The following ABRACL variants were observed in gnomAD, a reference collection of about 807,000 sequenced individuals.
ABRACL encodes costars family protein ABRACL.
Under a neutral mutation model 7.0 loss-of-function variants are expected in ABRACL, and 4 were observed. That is an observed-to-expected ratio of 0.57 (90% CI 0.28 to 1.30). ABRACL has a LOEUF of 1.30. ABRACL is among the 50% of genes most tolerant of loss of function. The pLI is 0.10. For missense variants in ABRACL, 104 were observed against 97.3 expected, an observed-to-expected ratio of 1.07 and a Z score of -0.29; for synonymous variants, 30 against 36.0, an observed-to-expected ratio of 0.83 and a Z score of 0.60.
intron 2 of ABRACL, among the ~76,000 whole-genome samples, chr6:139,035,780 G>A (rs1786146353): frequency 6.6e-6 from 1 of 150,774 alleles, no homozygotes; most frequent in Non-Finnish European, 1.5e-5. Context: ...ACCACACCCG[G>A]CCTAGTTTCT....
At chr6:139,040,344 C>A (rs1335038346) in intron 2 of ABRACL, among the ~76,000 whole-genome samples, 1 of 152,088 alleles carries the variant, frequency 6.6e-6, no homozygotes, top group Non-Finnish European at 1.5e-5. Flanking sequence ...ACAGAAGGCA[C>A]AAAGAAGGTG....
At chr6:139,035,585 C>T (rs947738270) in intron 2 of ABRACL, among the ~76,000 whole-genome samples, 14 of 152,000 alleles carry the variant, frequency 9.2e-5, no homozygotes, top group Non-Finnish European at 1.6e-4. Flanking sequence ...CGGGTTCAAG[C>T]GATTCTCCTG....
chr6:139,043,021 A>C lies in ABRACL; in HGVS notation c.*118A>C, dbSNP rs1786277206. The stretch of plus-strand genomic sequence containing the variant: ...ATTTTTATAGAACTTTGTAAACGAA[A>C]GGAGATTCATGTTTTAGAAGTCTGT... On this transcript the variant is annotated 3_prime_UTR_variant, in exon 3 of 3. Transcript: ENST00000367660. 3 of 832,310 alleles carry C rather than the reference A, an allele frequency of 3.6e-6. No homozygotes were observed. The highest frequency in any genetic ancestry group is 5.2e-6 in the Non-Finnish European group (3 of 574,670). 51.6% of individuals were successfully genotyped at this position (832,310 alleles called of 1,614,324 possible). A position where few individuals can be genotyped will look rare whatever the true frequency, so the allele number is the denominator to read the frequency against.
rs1554211254 is a variant in ABRACL, at chr6:139,042,895, C to CA, written c.240dup (p.Asp81ArgfsTer32). ...TGATGATGTTGACATTATATTACTGCAAGATTAATGTGGTTTACATATCTT... is the reference window on the plus strand; with the variant it reads ...TGATGATGTTGACATTATATTACTGCAAAGATTAATGTGGTTTACATATCTT... On this transcript the variant is annotated frameshift_variant, in exon 3 of 3. Coordinates refer to ENST00000367660, the MANE Select transcript of ABRACL (RefSeq NM_021243.3). LOFTEE classifies it high-confidence loss of function. The CA allele has an allele frequency of 6.2e-7, 1 of 1,607,690 alleles. No individual in the cohort carries two copies. Among genetic ancestry groups the CA allele is most frequent in the Non-Finnish European group, 8.5e-7 (1 of 1,177,350 alleles).
chr6:139,028,856 A>T lies in ABRACL; in HGVS notation c.-26A>T, dbSNP rs1786032586. On this transcript the variant is annotated 5_prime_UTR_variant, in exon 1 of 3. Coordinates refer to ENST00000367660, the MANE Select transcript of ABRACL (RefSeq NM_021243.3). ...CACGCGGCGCCAGTTCTCCGGCGGGAAGGAAAACCGCGCAGAGAGGTGCGT... is the reference window on the plus strand; with the variant it reads ...CACGCGGCGCCAGTTCTCCGGCGGGTAGGAAAACCGCGCAGAGAGGTGCGT... 1 of 152,414 alleles carries T rather than the reference A, an allele frequency of 6.6e-6. No homozygotes were observed. The highest frequency in any genetic ancestry group is 2.1e-4 in the South Asian group (1 of 4,840). 9.4% of individuals were successfully genotyped at this position (152,414 alleles called of 1,614,324 possible). A position where few individuals can be genotyped will look rare whatever the true frequency, so the allele number is the denominator to read the frequency against.
rs557522666 is a variant in ABRACL, at chr6:139,029,072, GC to G, written c.-7+202del. Among the ~76,000 whole-genome samples, 916 of 152,208 alleles carry G rather than the reference GC, an allele frequency of 6.0e-3. 6 individuals are homozygous for G. Among genetic ancestry groups the G allele is most frequent in the Admixed American group, 7.1e-3 (108 of 15,300 alleles). On this transcript the variant is annotated intron_variant, in intron 1 of 2. Coordinates refer to ENST00000367660, the MANE Select transcript of ABRACL (RefSeq NM_021243.3). ...GTCCCGTGGGGCGCGCGCCGCCCACGCCCCCACCTCTCGGGTCGACTTCCGC... is the reference window on the plus strand; with the variant it reads ...GTCCCGTGGGGCGCGCGCCGCCCACGCCCCACCTCTCGGGTCGACTTCCGC...
intron 2 of ABRACL, among the ~76,000 whole-genome samples, chr6:139,040,412 A>G (rs1786226976): frequency 6.6e-6 from 1 of 152,216 alleles, no homozygotes; most frequent in Non-Finnish European, 1.5e-5. Context: ...CTCCAAGATT[A>G]CACTCAGGTT....
intron 1 of ABRACL, among the ~76,000 whole-genome samples, chr6:139,031,002 G>C (rs541328450): frequency 1.3e-5 from 2 of 152,306 alleles, no homozygotes; most frequent in Admixed American, 1.3e-4. Flanking sequence ...ATATATAATA[G>C]ATGAATTTCC....
intron 2 of ABRACL, among the ~76,000 whole-genome samples, chr6:139,036,114 C>T (rs1786152282): frequency 6.6e-6 from 1 of 151,094 alleles, no homozygotes. Flanking sequence ...AACAAACAAA[C>T]AAACATAAAA....
intron 2 of ABRACL, 29 bp from the exon 3 acceptor site, chr6:139,042,689 AT>A (rs751848733): frequency 1.9e-6 from 3 of 1,591,000 alleles, no homozygotes; most frequent in Non-Finnish European, 2.6e-6. Context: ...CAGACTTTGC[AT>A]TTGCTAACAA....
chr6:139,030,831 A>C (rs1237859352), intron 1 of ABRACL, among the ~76,000 whole-genome samples: 2 of 152,210 alleles, frequency 1.3e-5, no homozygotes, highest in Non-Finnish European at 2.9e-5. Flanking sequence ...GTTATCCTTA[A>C]AATAGAGGTA....
chr6:139,041,531 A>ATATATATTTTT (rs748288046), intron 2 of ABRACL, among the ~76,000 whole-genome samples: 69 of 126,038 alleles, frequency 5.5e-4, no homozygotes, highest in African/African-American at 2.0e-3. Context: ...ATATATATAT[A>ATATATATTTTT]TTTTTTTTTA....
At chr6:139,039,230 G>A (rs199789037) in intron 2 of ABRACL, among the ~76,000 whole-genome samples, 4 of 148,916 alleles carry the variant, frequency 2.7e-5, no homozygotes, top group Non-Finnish European at 6.0e-5. Flanking sequence ...CATCTCAAAA[G>A]AAAAAAAAAA....
At position 139,028,982 on chromosome 6, in the gene ABRACL, G is replaced by T. The variant is rs573466482; in HGVS notation, c.-7+107G>T. 60 of 152,534 alleles carry T rather than the reference G, an allele frequency of 3.9e-4. 1 individual carries two copies. In the South Asian group the frequency reaches 7.0e-3, roughly 18 times the overall value. The allele number at this position is 152,534 out of a possible 1,614,324, so 9.4% of individuals were successfully genotyped here. ...TGCGGTGAGAGTCGGGTCAGGAGGG[G>T]GCCGGGAGGGGGCTCAGGGCGCGCG... On this transcript the variant is annotated intron_variant, in intron 1 of 2. Transcript: ENST00000367660.
rs559801364 is a variant in ABRACL at position 139,029,790 on chromosome 6, A to C, written c.-7+915A>C. 2.4e-3 allele frequency among the ~76,000 whole-genome samples: 361 copies of C among 152,334 alleles called. 2 individuals are homozygous for C. The highest frequency in any genetic ancestry group is 3.9e-3 in the Non-Finnish European group (265 of 68,024). On this transcript the variant is annotated intron_variant, in intron 1 of 2. Coordinates refer to ENST00000367660, the MANE Select transcript of ABRACL (RefSeq NM_021243.3). Reference sequence around the variant, plus strand: ...GAAGAAGGGCTGGGAAAACGTGCCCAGCCCGAGTGTGTAAAGTTGGTTCCT... The same window carrying C: ...GAAGAAGGGCTGGGAAAACGTGCCCCGCCCGAGTGTGTAAAGTTGGTTCCT...
rs1394567516 is a variant in ABRACL at position 139,034,145 on chromosome 6, T to G, written c.-6-10T>G. 6.2e-7 allele frequency: 1 copy of G among 1,614,190 alleles called. No homozygotes were observed. The highest frequency in any genetic ancestry group is 8.5e-7 in the Non-Finnish European group (1 of 1,180,048). Reference sequence around the variant, plus strand: ...GGTGATAATTTAGACTTCCTTTTTTTCTCTCCCAGGCAGCAATGAATGTGG... The same window carrying G: ...GGTGATAATTTAGACTTCCTTTTTTGCTCTCCCAGGCAGCAATGAATGTGG... On this transcript the variant is annotated splice_polypyrimidine_tract_variant and intron_variant, in intron 1 of 2. Coordinates refer to ENST00000367660, the MANE Select transcript of ABRACL (RefSeq NM_021243.3).
At chr6:139,041,217 C>A (rs1210091368) in intron 2 of ABRACL, among the ~76,000 whole-genome samples, 1 of 151,932 alleles carries the variant, frequency 6.6e-6, no homozygotes, top group African/African-American at 2.4e-5. Context: ...CATTCTTGCC[C>A]AAAGACATCT....
intron 1 of ABRACL, among the ~76,000 whole-genome samples, chr6:139,031,132 C>T (rs1042622681): frequency 8.5e-5 from 13 of 152,164 alleles, no homozygotes; most frequent in African/African-American, 3.1e-4. Flanking sequence ...ATCAGAGAAT[C>T]AGAGAATTGG....
At chr6:139,039,951 G>A (rs1786220058) in intron 2 of ABRACL, among the ~76,000 whole-genome samples, 2 of 151,998 alleles carry the variant, frequency 1.3e-5, no homozygotes, top group South Asian at 4.1e-4. Context: ...ATTAAGTTTG[G>A]TGGTGCACGC....
Sources: allele counts gnomAD v4.1 joint callset (sites outside exome capture counted in the v4.1 genomes callset), GRCh38; gene constraint gnomAD v4.1.1; transcripts MANE v1.5; gene names NCBI Gene and HGNC (gene_info 2026-07-23, HGNC 2026-07-21).